Variants in NLGN4X observed in about 807,000 individuals in gnomAD.
The protein encoded by NLGN4X is neuroligin-4, X-linked.
NLGN4X carries 3 observed loss-of-function variants against 40.3 expected under a neutral mutation model. The observed-to-expected ratio is 0.07, with a 90% CI of 0.03 to 0.19. The LOEUF is 0.19. Ranked by LOEUF, NLGN4X falls within the 10% of genes least tolerant of loss-of-function variation. NLGN4X has a pLI of 1.00. For synonymous variants in NLGN4X, 270 were observed against 306.8 expected, an observed-to-expected ratio of 0.88 and a Z score of 1.25; for missense variants, 382 against 708.3, an observed-to-expected ratio of 0.54 and a Z score of 5.23.
intron 3 of NLGN4X, among the ~76,000 whole-genome samples, chrX:5,959,816 C>T (rs2034601948): frequency 9.0e-6 from 1 of 111,031 alleles, no homozygotes; most frequent in South Asian, 3.8e-4. Context: ...TTGATTTCTT[C>T]GTGGTGATGC....
intron 1 of NLGN4X, among the ~76,000 whole-genome samples, chrX:6,198,740 AG>A (rs1460291957): frequency 9.0e-6 from 1 of 111,541 alleles, no homozygotes; most frequent in African/African-American, 3.3e-5. Context: ...TGTTTCTCAG[AG>A]TGGGACCCAT....
At chrX:6,001,886 G>A (rs2035979531) in intron 3 of NLGN4X, among the ~76,000 whole-genome samples, 1 of 111,708 alleles carries the variant, frequency 9.0e-6, no homozygotes, top group African/African-American at 3.3e-5. Flanking sequence ...TTGTTGTTGT[G>A]TTTTAATCTC....
At chrX:6,046,385 C>G (rs186951708) in intron 2 of NLGN4X, among the ~76,000 whole-genome samples, 3 of 111,047 alleles carry the variant, frequency 2.7e-5, no homozygotes, top group Non-Finnish European at 5.7e-5. Context: ...AAGCTTTTTC[C>G]CATCATTACA....
chrX:6,216,044 T>C (rs1157954933), intron 1 of NLGN4X, among the ~76,000 whole-genome samples: 3 of 110,600 alleles, frequency 2.7e-5, no homozygotes, highest in Non-Finnish European at 3.8e-5. Context: ...ACCTGGCTAA[T>C]TTTTGTATTT....
chrX:6,076,807 T>C (rs1602183566), intron 2 of NLGN4X, among the ~76,000 whole-genome samples: 1 of 112,624 alleles, frequency 8.9e-6, no homozygotes, highest in Non-Finnish European at 1.9e-5. Flanking sequence ...CTTGGGTCTT[T>C]ACTATTACAT....
chrX:6,098,560 G>A lies in NLGN4X; in HGVS notation c.472+52435C>T, dbSNP rs1243168154. 3.6e-5 allele frequency among the ~76,000 whole-genome samples: 4 copies of A among 111,041 alleles called. No individual in the cohort carries two copies. The East Asian group carries it at 1.1e-3, about 32-fold the overall frequency. ...GTTATTATAGAAAAGTATCAAGAATGAAAGAAGAAAGAAGTCTACAGGATT... is the reference window on the plus strand; with the variant it reads ...GTTATTATAGAAAAGTATCAAGAATAAAAGAAGAAAGAAGTCTACAGGATT... On this transcript the variant is annotated intron_variant, in intron 2 of 5. Transcript: ENST00000381095.
intron 2 of NLGN4X, among the ~76,000 whole-genome samples, chrX:6,103,745 G>A (rs1383464723): frequency 9.0e-6 from 1 of 111,614 alleles, no homozygotes; most frequent in African/African-American, 3.3e-5. Flanking sequence ...TGATGTCAAC[G>A]CATTGGTACT....
intron 2 of NLGN4X, among the ~76,000 whole-genome samples, chrX:6,132,154 G>C (rs2039693447): frequency 8.9e-6 from 1 of 111,853 alleles, no homozygotes; most frequent in Non-Finnish European, 1.9e-5. Flanking sequence ...TTGACTTAGA[G>C]CAGGGTTTCA....
At chrX:6,216,809 A>T (rs1035867180) in intron 1 of NLGN4X, among the ~76,000 whole-genome samples, 5 of 112,062 alleles carry the variant, frequency 4.5e-5, no homozygotes, top group East Asian at 2.8e-4. Context: ...TAAGAGATGG[A>T]GTGTCACTCT....
At chrX:5,932,604 G>T (rs753657152) in intron 3 of NLGN4X, among the ~76,000 whole-genome samples, 1 of 111,596 alleles carries the variant, frequency 9.0e-6, no homozygotes, top group Admixed American at 9.6e-5. Flanking sequence ...GGTAAATATA[G>T]TAGGTATAGA....
intron 3 of NLGN4X, among the ~76,000 whole-genome samples, chrX:5,957,713 G>T (rs1045744747): frequency 3.6e-5 from 4 of 111,314 alleles, no homozygotes; most frequent in African/African-American, 1.3e-4. Flanking sequence ...AGAAATCAAC[G>T]TGTAAGGAAC....
At chrX:6,056,549 T>C (rs1415296121) in intron 2 of NLGN4X, among the ~76,000 whole-genome samples, 1 of 111,832 alleles carries the variant, frequency 8.9e-6, no homozygotes, top group Non-Finnish European at 1.9e-5. Flanking sequence ...TTGTTTGGGC[T>C]GAAGGAAGAA....
At position 6,080,053 on chromosome X, in the gene NLGN4X, G is replaced by A. The variant is rs181674297; in HGVS notation, c.473-50621C>T. ...CAGCTATATTCCCTCTCTTTGGAGA[G>A]CTTACAACTTAGGAGGCAACATAAT... On this transcript the variant is annotated intron_variant, in intron 2 of 5. Coordinates refer to ENST00000381095, the MANE Select transcript of NLGN4X (RefSeq NM_181332.3). Among the ~76,000 whole-genome samples, 263 of 109,024 alleles carry A rather than the reference G, an allele frequency of 2.4e-3. 1 individual carries two copies. The highest frequency in any genetic ancestry group is 0.023 in the Middle Eastern group (5 of 215). 94.7% of individuals were successfully genotyped at this position (109,024 alleles called of 115,157 possible).
chrX:5,934,447 G>A (rs1479789940), intron 3 of NLGN4X, among the ~76,000 whole-genome samples: 1 of 111,853 alleles, frequency 8.9e-6, no homozygotes, highest in Non-Finnish European at 1.9e-5. Flanking sequence ...GCTTCCATAA[G>A]ACTCGAATGA....
chrX:6,117,479 G>A (rs1316622776), intron 2 of NLGN4X, among the ~76,000 whole-genome samples: 2 of 110,755 alleles, frequency 1.8e-5, no homozygotes, highest in African/African-American at 3.3e-5. Flanking sequence ...CCTCCACAAC[G>A]TCCCATCTGT....
chrX:5,967,883 C>T (rs995501656), intron 3 of NLGN4X, among the ~76,000 whole-genome samples: 1 of 111,311 alleles, frequency 9.0e-6, no homozygotes, highest in Non-Finnish European at 1.9e-5. Flanking sequence ...CAGTCCCTCC[C>T]CCATCATGGA....
intron 1 of NLGN4X, among the ~76,000 whole-genome samples, chrX:6,166,271 T>C (rs918569773): frequency 2.0e-4 from 22 of 111,531 alleles, no homozygotes; most frequent in Non-Finnish European, 1.9e-5. Flanking sequence ...TTTTATTTTA[T>C]TGATTGTAGA....
At chrX:6,050,410 A>G (rs1195966484) in intron 2 of NLGN4X, among the ~76,000 whole-genome samples, 1 of 110,381 alleles carries the variant, frequency 9.1e-6, no homozygotes, top group African/African-American at 3.3e-5. Flanking sequence ...CTACCTGTCT[A>G]TTCATCTCTA....
chrX:5,917,318 T>A (rs189083542), intron 3 of NLGN4X, among the ~76,000 whole-genome samples: 2 of 112,702 alleles, frequency 1.8e-5, no homozygotes, highest in African/African-American at 3.2e-5. Flanking sequence ...AACCTGGCCA[T>A]CTCTTTCTAC....
Sources: allele counts gnomAD v4.1 joint callset (sites outside exome capture counted in the v4.1 genomes callset), GRCh38; gene constraint gnomAD v4.1.1; transcripts MANE v1.5; gene names NCBI Gene and HGNC (gene_info 2026-07-23, HGNC 2026-07-21).